ATP2B3: variants seen among roughly 807,000 people sequenced by gnomAD.
ATP2B3 encodes ATPase plasma membrane Ca2+ transporting 3.
ATP2B3 carries 12 observed loss-of-function variants against 70.8 expected under a neutral mutation model. The ratio of observed to expected loss-of-function variants is 0.17; its 90% CI spans 0.11 to 0.27. ATP2B3 has a LOEUF of 0.27. Among genes scored for constraint, ATP2B3 ranks in the 10% least tolerant of loss-of-function variants. The pLI, the probability that ATP2B3 is intolerant of heterozygous loss-of-function variation, is 1.00. For missense variants in ATP2B3, 858 were observed against 1,118.5 expected (o/e 0.77, Z 3.32); for synonymous variants, 460 against 497.8 (o/e 0.92, Z 1.01).
chrX:153,524,663 A>G (rs542274802), intron 2 of ATP2B3, among the ~76,000 whole-genome samples: 14 of 111,464 alleles, frequency 1.3e-4, no homozygotes, highest in Middle Eastern at 4.6e-3. Context: ...ACGCACTGAC[A>G]CTGGTCTGCA....
At chrX:153,522,474 C>A (rs1180721111) in intron 2 of ATP2B3, among the ~76,000 whole-genome samples, 1 of 111,800 alleles carries the variant, frequency 8.9e-6, no homozygotes, top group Non-Finnish European at 1.9e-5. Context: ...GACCCCGCCT[C>A]CTCAGGTAGC....
intron 10 of ATP2B3, among the ~76,000 whole-genome samples, 172 bp from the exon 11 acceptor site, chrX:153,549,325 A>C (rs368177683): frequency 9.0e-6 from 1 of 111,209 alleles, no homozygotes; most frequent in African/African-American, 3.3e-5. Flanking sequence ...GAGGTTGCTG[A>C]TGCCTTACAG....
At chrX:153,550,512 G>A (rs1287031672) in intron 12 of ATP2B3, among the ~76,000 whole-genome samples, 6 of 110,991 alleles carry the variant, frequency 5.4e-5, no homozygotes, top group African/African-American at 1.3e-4. Context: ...CCCTCCCCAC[G>A]CCCCTCCCCA....
intron 16 of ATP2B3, among the ~76,000 whole-genome samples, chrX:153,557,674 G>A (rs1006839017): frequency 1.8e-5 from 2 of 111,859 alleles, no homozygotes; most frequent in African/African-American, 3.3e-5. Context: ...CTGCAGCTGC[G>A]CCTCCATGGG....
intron 21 of ATP2B3, among the ~76,000 whole-genome samples, chrX:153,565,772 G>A (rs1010772753): frequency 3.6e-5 from 4 of 112,561 alleles, no homozygotes; most frequent in Admixed American, 9.3e-5. Context: ...CAGACTCGCT[G>A]TGTCTCCACA....
At chrX:153,568,479 A>G (rs2090741570) in intron 21 of ATP2B3, among the ~76,000 whole-genome samples, 1 of 110,873 alleles carries the variant, frequency 9.0e-6, no homozygotes, top group Admixed American at 9.6e-5. Context: ...TCCTGAATCT[A>G]GACAGGAGAC....
Position 153,549,524 on chromosome X carries a change from C to T in ATP2B3, c.1366C>T (p.Arg456Cys), listed in dbSNP as rs781989417. The part of the protein sequence containing the change: ...KKMMKDNNLV[R>C]HLDACETMGN... ...AATGATGAAAGACAACAACCTGGTG[C>T]GCCACCTGGATGCCTGCGAGACCAT... Residue 456 changes from arginine to cysteine, a missense_variant, in exon 11 of 22, where the codon CGC becomes TGC. By Grantham distance (180) the Arg-to-Cys change is radical (BLOSUM62 -3). Coordinates refer to ENST00000263519, the MANE Select transcript of ATP2B3 (RefSeq NM_001001344.3). 3.3e-6 allele frequency: 4 copies of T among 1,210,636 alleles called. No homozygotes were observed. The highest frequency in any genetic ancestry group is 2.2e-5 in the Admixed American group (1 of 45,922).
rs1447503870 is a variant in ATP2B3, at chrX:153,581,172, C to T, written c.*874C>T. ...CCCTCATCACCCCGCCCCCACCTTT[C>T]GCTCCTGCCCTCTGCCCGGCCCTAC... On this transcript the variant is annotated 3_prime_UTR_variant, in exon 22 of 22. Transcript: ENST00000263519. The T allele has an allele frequency of 1.8e-5, 2 of 108,550 alleles. No homozygotes were observed. Among genetic ancestry groups the T allele is most frequent in the African/African-American group, 6.8e-5 (2 of 29,591 alleles). The allele number at this position is 108,550 out of a possible 1,213,427, so 8.9% of individuals were successfully genotyped here.
chrX:153,536,428 C>G lies in ATP2B3; in HGVS notation c.181C>G (p.Arg61Gly). The G allele has an allele frequency of 1.7e-6, 2 of 1,201,223 alleles. No individual in the cohort carries two copies. The change falls in exon 3 of 22, where the codon CGG (arginine) becomes GGG (glycine). Residue 61 changes from arginine to glycine, a missense_variant. Physicochemically the swap from Arg to Gly is moderately radical, Grantham distance 125 (BLOSUM62 -2). This residue lies in a region of ATP2B3 where 278 missense variants were observed against 366.2 expected (regional missense o/e 0.76). Coordinates refer to ENST00000263519, the MANE Select transcript of ATP2B3 (RefSeq NM_001001344.3). ...CTACGGGGATGTCAGCGGGCTCTGC[C>G]GGAGGCTGAAGACCTCACCCACAGA... Reference protein sequence around the residue: ...EAYGDVSGLCRRLKTSPTEGL... With the variant: ...EAYGDVSGLCGRLKTSPTEGL...
intron 3 of ATP2B3, among the ~76,000 whole-genome samples, chrX:153,539,114 G>A (rs1216986374): frequency 8.9e-6 from 1 of 112,301 alleles, no homozygotes; most frequent in African/African-American, 3.2e-5. Flanking sequence ...AAGTCACTTG[G>A]GGGGTCTTGT....
At position 153,580,066 on chromosome X, in the gene ATP2B3, C is replaced by T. The variant is rs782443802; in HGVS notation, c.3431C>T (p.Thr1144Met). 5.0e-6 allele frequency: 6 copies of T among 1,212,053 alleles called. No individual in the cohort carries two copies. In the African/African-American group the frequency reaches 5.2e-5, roughly 10 times the overall value. Residue 1144 changes from threonine (T) to methionine (M), a missense_variant, in exon 22 of 22, where the codon ACG becomes ATG. Thr to Met is a moderately conservative substitution (Grantham distance 81, BLOSUM62 -1). Around this residue, in one of 5 missense-constraint regions of ATP2B3, gnomAD observed 265 missense variants for 305.3 expected, o/e 0.87. Transcript: ENST00000263519. ...SKTSIHNFMA[T>M]PEFLINDYTH... ...ACCTCCATTCACAACTTCATGGCCA[C>T]GCCCGAGTTTCTGATCAATGACTAC...
Position 153,580,160 on chromosome X carries a change from G to GGCCCCGGC in ATP2B3, c.3525_3526insGCCCCGGC (p.Pro1176AlafsTer14). On this transcript the variant is annotated frameshift_variant, in exon 22 of 22. Coordinates refer to ENST00000263519, the MANE Select transcript of ATP2B3 (RefSeq NM_001001344.3). LOFTEE classifies it high-confidence loss of function. ...ACGAGGAGCGCCTCCGGGCCCCCCC[G>GGCCCCGGC]CCCCCGTCCCCCAACCAGAACAACA... The GGCCCCGGC allele has an allele frequency of 9.5e-7, 1 of 1,056,190 alleles. No individual in the cohort carries two copies. The highest frequency in any genetic ancestry group is 1.2e-6 in the Non-Finnish European group (1 of 811,993). 87.0% of individuals were successfully genotyped at this position (1,056,190 alleles called of 1,213,427 possible). A position where few individuals can be genotyped will look rare whatever the true frequency, so the allele number is the denominator to read the frequency against.
At chrX:153,545,353 C>T (rs1270205054) in intron 7 of ATP2B3, among the ~76,000 whole-genome samples, 2 of 113,016 alleles carry the variant, frequency 1.8e-5, no homozygotes, top group East Asian at 2.8e-4. Flanking sequence ...AGAGTCCTAG[C>T]GTCTCATTCC....
chrX:153,543,472 C>T (rs370953839), intron 7 of ATP2B3, among the ~76,000 whole-genome samples: 9 of 112,856 alleles, frequency 8.0e-5, no homozygotes, highest in African/African-American at 1.3e-4. Flanking sequence ...ACAGGAGCTA[C>T]GGGGAGCCTC....
At chrX:153,553,868 G>A (rs782501669) in intron 13 of ATP2B3, among the ~76,000 whole-genome samples, 3 of 113,057 alleles carry the variant, frequency 2.7e-5, no homozygotes, top group Non-Finnish European at 3.8e-5. Flanking sequence ...GGCCGGCCCC[G>A]GAGGGAGAAT....
chrX:153,517,980 C>A (rs1170360685), intron 1 of ATP2B3, 105 bp downstream of exon 1: 1 of 109,556 alleles, frequency 9.1e-6, no homozygotes, highest in Non-Finnish European at 1.9e-5. Flanking sequence ...GGTGGTGCGG[C>A]GGCAGGTAGG....
chrX:153,530,634 C>T (rs1195436612), intron 2 of ATP2B3, among the ~76,000 whole-genome samples: 1 of 111,801 alleles, frequency 8.9e-6, no homozygotes, highest in African/African-American at 3.3e-5. Flanking sequence ...CAAGGTGGCC[C>T]CTCCGGGGCT....
At chrX:153,564,492 G>A (rs1227961528) in intron 20 of ATP2B3, among the ~76,000 whole-genome samples, 3 of 112,801 alleles carry the variant, frequency 2.7e-5, no homozygotes, top group Non-Finnish European at 3.8e-5. Flanking sequence ...GGGGCTTAGC[G>A]ATCCCTCCCA....
intron 3 of ATP2B3, among the ~76,000 whole-genome samples, chrX:153,540,345 G>A (rs2090261469): frequency 2.7e-5 from 3 of 112,249 alleles, no homozygotes; most frequent in African/African-American, 9.7e-5. Context: ...CGTGACTCCG[G>A]TTTGGCTTCT....
Sources: gnomAD v4.1 joint callset for allele counts (sites outside exome capture counted in the v4.1 genomes callset) on GRCh38, gnomAD v4.1.1 for gene constraint, gnomAD v4.1.1 regional missense constraint, MANE v1.5 for transcripts, NCBI Gene and HGNC (gene_info 2026-07-23, HGNC 2026-07-21) for gene names.